The following ATP8B3 variants were observed in gnomAD, a reference collection of about 807,000 sequenced individuals.
The protein encoded by ATP8B3 is phospholipid-transporting ATPase IK.
A neutral mutation model predicts 140.9 loss-of-function variants in ATP8B3; 141 were observed. That is an observed-to-expected ratio of 1.00 (90% CI 0.87 to 1.15). ATP8B3 has a LOEUF of 1.15. ATP8B3 is among the 50% of genes most tolerant of loss of function. The probability of loss-of-function intolerance (pLI) is 0.00; values close to 1 mark genes in which losing one functional copy is unlikely to be tolerated. For synonymous variants in ATP8B3, 765 were observed against 714.6 expected (o/e 1.07, Z -1.13); for missense variants, 1,874 against 1,740.6 (o/e 1.08, Z -1.36).
At chr19:1,796,909 T>G (rs1453246096) in intron 15 of ATP8B3, 30 bp from the exon 16 acceptor site, 1 of 1,610,578 alleles carries the variant, frequency 6.2e-7, no homozygotes, top group Non-Finnish European at 8.5e-7. Flanking sequence ...GGGCCGGCTG[T>G]GGGTGGGCCG....
rs747710936 is a variant in ATP8B3, at chr19:1,790,816, G to GTCAGAGA, written c.2318_2319insTCTCTGA (p.Gly774LeufsTer2). ...CTGACAGCAGCTCGCAGGCGAAGCC[G>GTCAGAGA]ATGTTCACAGCCGTTTCTGCGAAGC... On this transcript the variant is annotated stop_gained and frameshift_variant, in exon 21 of 29. Transcript: ENST00000310127. LOFTEE classifies it high-confidence loss of function. 1.2e-6 allele frequency: 2 copies of GTCAGAGA among 1,602,054 alleles called. No homozygotes were observed. Among genetic ancestry groups the GTCAGAGA allele is most frequent in the Non-Finnish European group, 1.7e-6 (2 of 1,175,566 alleles).
rs753415093 is a variant in ATP8B3 at position 1,783,046 on chromosome 19, G to T, written c.3885C>A (p.Ser1295Arg). 4 of 1,608,514 alleles carry T rather than the reference G, an allele frequency of 2.5e-6. No homozygotes were observed. The Admixed American group carries it at 6.7e-5, about 27-fold the overall frequency. Residue 1295 changes from serine (S) to arginine (R), a missense_variant, in exon 29 of 29, where the codon AGC (serine) becomes AGA (arginine). Transcript: ENST00000310127. ...TGAGGTGTCACTGTGACTCTTTTGG[G>T]CTCGAAGCTGCCTCTTCATCAGATG... ...LDPSDEEAASSPKESQ is the reference protein window; with the variant it reads ...LDPSDEEAASRPKESQ
In ATP8B3 at chr19:1,802,710, C is replaced by T. The variant is rs1445296336; in HGVS notation, c.905-65G>A. ...GCCCTCCTCCCCAGGTTCCCTGCACCGGGTGCAGGTGAGAACATTCCGGCC... is the reference window on the plus strand; with the variant it reads ...GCCCTCCTCCCCAGGTTCCCTGCACTGGGTGCAGGTGAGAACATTCCGGCC... On this transcript the variant is annotated intron_variant, in intron 10 of 28. Coordinates refer to ENST00000310127, the MANE Select transcript of ATP8B3 (RefSeq NM_138813.4). The T allele has an allele frequency of 1.2e-5, 18 of 1,540,778 alleles. No individual in the cohort carries two copies. In the Admixed American group the frequency reaches 1.7e-4, roughly 15 times the overall value.
Position 1,796,272 on chromosome 19 carries a change from G to A in ATP8B3, c.1754-7C>T, listed in dbSNP as rs762197103. Reference sequence around the variant, plus strand: ...GCCTGGTACAACAGCTGGTCTGGTAGGGAGGGGGGCCATTTTGGGGTCACG... The same window carrying A: ...GCCTGGTACAACAGCTGGTCTGGTAAGGAGGGGGGCCATTTTGGGGTCACG... On this transcript the variant is annotated splice_polypyrimidine_tract_variant and splice_region_variant and intron_variant, in intron 16 of 28. Coordinates refer to ENST00000310127, the MANE Select transcript of ATP8B3 (RefSeq NM_138813.4). 4 of 1,602,456 alleles carry A rather than the reference G, an allele frequency of 2.5e-6. No individual in the cohort carries two copies. The East Asian group carries it at 9.0e-5, about 36-fold the overall frequency.
Position 1,791,995 on chromosome 19 carries a change from G to T in ATP8B3, c.2190+6C>A. 1.5e-6 allele frequency: 2 copies of T among 1,330,232 alleles called. No homozygotes were observed. Among genetic ancestry groups the T allele is most frequent in the Non-Finnish European group, 2.0e-6 (2 of 988,644 alleles). The allele number at this position is 1,330,232 out of a possible 1,614,324, so 82.4% of individuals were successfully genotyped here. On this transcript the variant is annotated splice_donor_region_variant and intron_variant, in intron 19 of 28. Coordinates refer to ENST00000310127, the MANE Select transcript of ATP8B3 (RefSeq NM_138813.4). ...CCCTGAGGTCCTGCTCCATCTCGTT[G>T]TACACCTGTTGCAGGGCCTGTGCCC...
chr19:1,798,838 G>A, intron 14 of ATP8B3: 1 of 151,602 alleles, frequency 6.6e-6, no homozygotes, highest in East Asian at 1.9e-4. Flanking sequence ...ATAAAGGCTT[G>A]TGAAAGTCAA....
chr19:1,783,366 T>C (rs894957965), intron 28 of ATP8B3, 96 bp from the exon 29 acceptor site: 9 of 1,440,540 alleles, frequency 6.2e-6, no homozygotes, highest in African/African-American at 1.4e-5. Context: ...TCAAAGCCCT[T>C]GGCCACTATT....
At chr19:1,804,328 G>A (rs1180464483) in intron 10 of ATP8B3, among the ~76,000 whole-genome samples, 7 of 151,960 alleles carry the variant, frequency 4.6e-5, no homozygotes, top group East Asian at 3.9e-4. Context: ...ACCCCGTCTC[G>A]GCCGGGTGCG....
rs2068892391 is a variant in ATP8B3, at chr19:1,802,649, T to A, written c.905-4A>T. 6.2e-7 allele frequency: 1 copy of A among 1,607,394 alleles called. No individual in the cohort carries two copies. The highest frequency in any genetic ancestry group is 1.1e-5 in the South Asian group (1 of 90,234). ...GGCGCCTCACACGTCACTGTGCCTG[T>A]GGGTGGCCAGGTGGTCAGTGGGTCA... is the stretch of plus-strand genomic sequence containing the variant. On this transcript the variant is annotated splice_polypyrimidine_tract_variant and splice_region_variant and intron_variant, in intron 10 of 28. Transcript: ENST00000310127.
At chr19:1,785,739 G>T (rs2068286292) in intron 25 of ATP8B3, 31 bp from the exon 26 acceptor site, 3 of 1,055,110 alleles carry the variant, frequency 2.8e-6, no homozygotes, top group Non-Finnish European at 4.1e-6. Flanking sequence ...TTGGGATTGG[G>T]TGGGGGGCGG....
Position 1,789,097 on chromosome 19 carries a change from C to G in ATP8B3, c.2869G>C (p.Ala957Pro). 6.3e-7 allele frequency: 1 copy of G among 1,593,996 alleles called. No individual in the cohort carries two copies. The highest frequency in any genetic ancestry group is 8.5e-7 in the Non-Finnish European group (1 of 1,174,620). ...IKTADVGVGL[A>P]GQEGMQAVQN... is the part of the protein sequence containing the mutation. ...ACTGCCTGCATGCCCTCCTGGCCCG[C>G]CAGCCCCACGCCCACGTCCGCGGCT... Residue 957 changes from alanine to proline, a missense_variant, in exon 24 of 29, where the codon GCG (alanine) becomes CCG (proline). Ala to Pro is a conservative substitution (Grantham distance 27, BLOSUM62 -1). Transcript: ENST00000310127.
intron 4 of ATP8B3, among the ~76,000 whole-genome samples, chr19:1,809,122 C>A (rs997104671): frequency 1.3e-5 from 2 of 151,798 alleles, no homozygotes; most frequent in African/African-American, 4.8e-5. Flanking sequence ...TGCAGTGAGC[C>A]GAGATCTCGC....
At chr19:1,786,230 G>A (rs1407647362) in intron 25 of ATP8B3, among the ~76,000 whole-genome samples, 2 of 152,048 alleles carry the variant, frequency 1.3e-5, no homozygotes, top group African/African-American at 4.8e-5. Flanking sequence ...GAGTCTGGCT[G>A]AGACGGGGCA....
rs1221838998 is a variant in ATP8B3, at chr19:1,796,253, T to A, written c.1766A>T (p.Tyr589Phe). 6.2e-7 allele frequency: 1 copy of A among 1,610,426 alleles called. No homozygotes were observed. ...CCCCTCGTCGGGGGAGGCCGCCTGG[T>A]ACAACAGCTGGTCTGGTAGGGAGGG... ...SPRERPDQLL[Y>F]QAASPDEGAL... Residue 589 changes from tyrosine to phenylalanine, a missense_variant, in exon 17 of 29, where the codon TAC becomes TTC. Around this residue, in one of 3 missense-constraint regions of ATP8B3, gnomAD observed 1,032 missense variants for 963.6 expected, o/e 1.07. Coordinates refer to ENST00000310127, the MANE Select transcript of ATP8B3 (RefSeq NM_138813.4).
intron 4 of ATP8B3, 76 bp from the exon 5 acceptor site, chr19:1,808,411 C>A: frequency 1.8e-6 from 2 of 1,102,152 alleles, no homozygotes; most frequent in East Asian, 2.6e-5. Context: ...GAGGCCAGAC[C>A]TGCCTCACTT....
rs1189807517 is a variant in ATP8B3, at chr19:1,792,145, G to T, written c.2056-10C>A. ...TCTCCTGGGCAAAGGCCTGGGGGCC[G>T]GGCAGGTGGAAGCTGTCACCATGCT... On this transcript the variant is annotated splice_polypyrimidine_tract_variant and intron_variant, in intron 18 of 28. Coordinates refer to ENST00000310127, the MANE Select transcript of ATP8B3 (RefSeq NM_138813.4). 7.0e-6 allele frequency: 11 copies of T among 1,565,310 alleles called. No individual in the cohort carries two copies. In the South Asian group the frequency reaches 1.2e-4, roughly 17 times the overall value.
Position 1,803,994 on chromosome 19 carries a change from G to A in ATP8B3, c.905-1349C>T, listed in dbSNP as rs182450028. On this transcript the variant is annotated intron_variant, in intron 10 of 28. Coordinates refer to ENST00000310127, the MANE Select transcript of ATP8B3 (RefSeq NM_138813.4). ...GTGTGGCCCCCTCCACCAGGGCTAA[G>A]CCTTTCCCCAGATATCACAGACAGA... 5.6e-3 allele frequency among the ~76,000 whole-genome samples: 856 copies of A among 151,598 alleles called. 25 individuals carry two copies. Among genetic ancestry groups the A allele is most frequent in the Admixed American group, 0.053 (811 of 15,214 alleles).
chr19:1,792,887 C>A (rs1236469164), intron 18 of ATP8B3, among the ~76,000 whole-genome samples: 1 of 150,418 alleles, frequency 6.6e-6, no homozygotes, highest in Non-Finnish European at 1.5e-5. Flanking sequence ...CGCACTCCAG[C>A]CTGAGTATCA....
chr19:1,792,409 G>C (rs916920321), intron 18 of ATP8B3, among the ~76,000 whole-genome samples: 3 of 151,178 alleles, frequency 2.0e-5, no homozygotes, highest in African/African-American at 7.3e-5. Flanking sequence ...GTGAAACCCT[G>C]TCTCTACCCA....
Sources: allele counts gnomAD v4.1 joint callset (sites outside exome capture counted in the v4.1 genomes callset), GRCh38; gene constraint gnomAD v4.1.1; regional missense constraint gnomAD v4.1.1; transcripts MANE v1.5; gene names NCBI Gene and HGNC (gene_info 2026-07-23, HGNC 2026-07-21).